The following CMC1 variants were observed in gnomAD, a reference collection of about 807,000 sequenced individuals.
CMC1 encodes the protein COX assembly mitochondrial protein homolog.
Under a neutral mutation model 14.1 loss-of-function variants are expected in CMC1, and 14 were observed. The ratio of observed to expected loss-of-function variants is 0.99; its 90% CI spans 0.66 to 1.55. The LOEUF is 1.55. Ranked by LOEUF, CMC1 falls within the 40% of genes most tolerant of loss-of-function variation. The pLI is 0.00. For synonymous variants in CMC1, 50 were observed against 38.4 expected, an observed-to-expected ratio of 1.30 and a Z score of -1.12; for missense variants, 127 against 123.8, an observed-to-expected ratio of 1.03 and a Z score of -0.12.
At position 28,241,802 on chromosome 3, in the gene CMC1, C is replaced by G. The variant is rs1452608882; in HGVS notation, c.9C>G (p.Leu3=). 3.7e-5 allele frequency: 46 copies of G among 1,240,090 alleles called. No individual in the cohort carries two copies. The highest frequency in any genetic ancestry group is 4.6e-5 in the Non-Finnish European group (45 of 988,148). 76.8% of individuals were successfully genotyped at this position (1,240,090 alleles called of 1,614,324 possible). Residue 3 remains leucine, a synonymous_variant, in exon 1 of 4, where the codon CTC becomes CTG. Coordinates refer to ENST00000466830, the MANE Select transcript of CMC1 (RefSeq NM_182523.2). ...CTTCTCGGCCCGCCGAGATGGCGCT[C>G]GACCCCGCAGGTACCGGGGCGGGAA... The part of the protein sequence containing the change: MA[L]DPADQHLRHV...
chr3:28,324,260 C>T lies in CMC1; in HGVS notation c.*4631C>T. Reference sequence around the variant, plus strand: ...TCATTAGGAATGGATCTCTCATTGTCTGTCCATGATTGGAGGATTGCTTTC... The same window carrying T: ...TCATTAGGAATGGATCTCTCATTGTTTGTCCATGATTGGAGGATTGCTTTC... On this transcript the variant is annotated 3_prime_UTR_variant, in exon 4 of 4. Coordinates refer to ENST00000466830, the MANE Select transcript of CMC1 (RefSeq NM_182523.2). 6.2e-7 allele frequency: 1 copy of T among 1,609,982 alleles called. No homozygotes were observed. Among genetic ancestry groups the T allele is most frequent in the Non-Finnish European group, 8.5e-7 (1 of 1,177,318 alleles).
At chr3:28,281,208 T>A (rs745910437) in intron 2 of CMC1, among the ~76,000 whole-genome samples, 12 of 152,196 alleles carry the variant, frequency 7.9e-5, no homozygotes, top group Non-Finnish European at 1.2e-4. Flanking sequence ...TGAAACAGAT[T>A]CAGTCTGCAT....
At position 28,322,867 on chromosome 3, in the gene CMC1, T is replaced by TATCA. The variant is rs1703230133; in HGVS notation, c.*3240_*3243dup. On this transcript the variant is annotated 3_prime_UTR_variant, in exon 4 of 4. Transcript: ENST00000466830. ...TGAGTTCAAGATATATGAAACTGTC[T>TATCA]ATCAAAAAGGATAAAAGTCCTCCTA... 2 of 151,250 alleles carry TATCA rather than the reference T, an allele frequency of 1.3e-5. No individual in the cohort carries two copies. Among genetic ancestry groups the TATCA allele is most frequent in the African/African-American group, 2.4e-5 (1 of 41,334 alleles). 9.4% of individuals were successfully genotyped at this position (151,250 alleles called of 1,614,324 possible).
intron 2 of CMC1, among the ~76,000 whole-genome samples, chr3:28,305,222 G>A (rs186480697): frequency 6.6e-6 from 1 of 151,798 alleles, no homozygotes; most frequent in East Asian, 1.9e-4. Flanking sequence ...TAGGATAATG[G>A]CCTCCAGCTA....
intron 2 of CMC1, among the ~76,000 whole-genome samples, chr3:28,304,042 C>A (rs1664271468): frequency 6.6e-6 from 1 of 151,850 alleles, no homozygotes; most frequent in African/African-American, 2.4e-5. Context: ...TTGCATCTCA[C>A]CTGAAGTATA....
At chr3:28,307,815 C>T (rs545161447) in intron 2 of CMC1, among the ~76,000 whole-genome samples, 2 of 152,208 alleles carry the variant, frequency 1.3e-5, no homozygotes, top group South Asian at 2.1e-4. Flanking sequence ...ATCATAGTTC[C>T]GTAGTTCTCA....
intron 2 of CMC1, among the ~76,000 whole-genome samples, chr3:28,286,789 T>C (rs142223834): frequency 2.2e-3 from 342 of 152,296 alleles, no homozygotes; most frequent in Middle Eastern, 3.4e-3. Context: ...AGTTGCCCTC[T>C]AGGGGTTCAA....
intron 2 of CMC1, among the ~76,000 whole-genome samples, chr3:28,276,859 T>G (rs997885330): frequency 6.6e-6 from 1 of 152,240 alleles, no homozygotes; most frequent in African/African-American, 2.4e-5. Flanking sequence ...CAGTTATTAA[T>G]AGCCCGTTTT....
chr3:28,312,175 G>T (rs1264127248), intron 2 of CMC1, among the ~76,000 whole-genome samples: 2 of 152,156 alleles, frequency 1.3e-5, no homozygotes, highest in Non-Finnish European at 2.9e-5. Context: ...ATCCAAATAT[G>T]CCTTTGCTTT....
chr3:28,274,622 G>A (rs1236838386), intron 2 of CMC1, among the ~76,000 whole-genome samples: 1 of 151,952 alleles, frequency 6.6e-6, no homozygotes, highest in African/African-American at 2.4e-5. Flanking sequence ...TATCTTACTG[G>A]GGTTCTCTGA....
At chr3:28,249,780 A>G (rs930589624) in intron 1 of CMC1, among the ~76,000 whole-genome samples, 1 of 151,706 alleles carries the variant, frequency 6.6e-6, no homozygotes, top group African/African-American at 2.4e-5. Flanking sequence ...CCCACACAAC[A>G]TAGACTGGGT....
At chr3:28,272,824 A>T (rs546556568) in intron 2 of CMC1, among the ~76,000 whole-genome samples, 1 of 152,204 alleles carries the variant, frequency 6.6e-6, no homozygotes, top group East Asian at 1.9e-4. Flanking sequence ...AGCTGGGATT[A>T]CAGGTGCCCA....
chr3:28,279,870 A>G (rs550510092), intron 2 of CMC1, among the ~76,000 whole-genome samples: 1 of 152,332 alleles, frequency 6.6e-6, no homozygotes, highest in South Asian at 2.1e-4. Context: ...AAGAGCACTA[A>G]CAACATTCAC....
chr3:28,246,244 C>T (rs74280151), intron 1 of CMC1, among the ~76,000 whole-genome samples: 23,595 of 151,498 alleles, frequency 0.16, 2,495 homozygotes, highest in East Asian at 0.47. Context: ...AGCATATTTG[C>T]CATAGAAAAT....
chr3:28,302,224 C>T (rs942707373), intron 2 of CMC1, among the ~76,000 whole-genome samples: 2 of 152,176 alleles, frequency 1.3e-5, no homozygotes, highest in African/African-American at 4.8e-5. Flanking sequence ...ACTAAAAACA[C>T]GGATCCTACT....
chr3:28,294,227 A>C (rs1302199564), intron 2 of CMC1, among the ~76,000 whole-genome samples: 1 of 152,140 alleles, frequency 6.6e-6, no homozygotes, highest in Non-Finnish European at 1.5e-5. Flanking sequence ...AAATTACATA[A>C]ATGAATTGCA....
chr3:28,271,696 C>T (rs899042917), intron 2 of CMC1, among the ~76,000 whole-genome samples: 5 of 152,052 alleles, frequency 3.3e-5, no homozygotes, highest in African/African-American at 1.2e-4. Context: ...TTTTCTGGTT[C>T]CATATGGATG....
At chr3:28,305,550 C>T (rs923243745) in intron 2 of CMC1, among the ~76,000 whole-genome samples, 8 of 151,998 alleles carry the variant, frequency 5.3e-5, no homozygotes, top group Non-Finnish European at 4.4e-5. Context: ...TCCCTTTCTC[C>T]ACATCCTCAA....
intron 1 of CMC1, among the ~76,000 whole-genome samples, chr3:28,256,387 C>T (rs1424343990): frequency 6.6e-6 from 1 of 152,096 alleles, no homozygotes; most frequent in Non-Finnish European, 1.5e-5. Flanking sequence ...AACCTCAATT[C>T]TACTCTTAAG....
Sources: gnomAD v4.1 joint callset for allele counts (sites outside exome capture counted in the v4.1 genomes callset) on GRCh38, gnomAD v4.1.1 for gene constraint, MANE v1.5 for transcripts, NCBI Gene and HGNC (gene_info 2026-07-23, HGNC 2026-07-21) for gene names.